PTPRD: variants seen among roughly 807,000 people sequenced by gnomAD.
PTPRD encodes the protein receptor-type tyrosine-protein phosphatase delta.
A neutral mutation model predicts 214.5 loss-of-function variants in PTPRD; 34 were observed. That is an observed-to-expected ratio of 0.16 (90% CI 0.12 to 0.21). PTPRD has a LOEUF of 0.21. PTPRD is among the 10% of genes least tolerant of loss of function. The probability of loss-of-function intolerance (pLI) is 1.00; values close to 1 mark genes in which losing one functional copy is unlikely to be tolerated. For missense variants in PTPRD, 2,545 were observed against 2,398.7 expected, an observed-to-expected ratio of 1.06 and a Z score of -1.27; for synonymous variants, 1,128 against 845.7, an observed-to-expected ratio of 1.33 and a Z score of -5.79.
chr9:10,259,645 A>G (rs1448268668), intron 3 of PTPRD, among the ~76,000 whole-genome samples: 1 of 152,116 alleles, frequency 6.6e-6, no homozygotes, highest in African/African-American at 2.4e-5. Context: ...ATTTTCCTTT[A>G]AACTGTCATC....
chr9:8,770,137 C>A (rs2095089452), intron 11 of PTPRD, among the ~76,000 whole-genome samples: 1 of 151,968 alleles, frequency 6.6e-6, no homozygotes, highest in Non-Finnish European at 1.5e-5. Context: ...CAAAATTAGC[C>A]AGGCTTGGTG....
At chr9:9,867,263 T>C (rs1417057417) in intron 5 of PTPRD, among the ~76,000 whole-genome samples, 1 of 152,138 alleles carries the variant, frequency 6.6e-6, no homozygotes, top group Non-Finnish European at 1.5e-5. Flanking sequence ...AAGATACGAT[T>C]CATTCTGCTT....
intron 5 of PTPRD, among the ~76,000 whole-genome samples, chr9:9,860,679 A>G (rs1316538508): frequency 6.6e-6 from 1 of 152,220 alleles, no homozygotes; most frequent in Non-Finnish European, 1.5e-5. Context: ...GAATATGTCA[A>G]TGTCACTTAG....
rs902514381 is a variant in PTPRD, at chr9:9,711,190, T to C, written c.-287+23343A>G. ...CTCATATTTATTTTAATGTTTAATA[T>C]TAGAAGTGATTTAAGTGCTTGAATC... On this transcript the variant is annotated intron_variant, in intron 7 of 45. Transcript: ENST00000381196. Among the ~76,000 whole-genome samples the C allele has an allele frequency of 2.4e-4, 37 of 152,284 alleles. 1 individual carries two copies. Among genetic ancestry groups the C allele is most frequent in the African/African-American group, 8.4e-4 (35 of 41,552 alleles).
intron 3 of PTPRD, among the ~76,000 whole-genome samples, chr9:10,326,178 T>C (rs994639119): frequency 2.6e-5 from 4 of 151,750 alleles, no homozygotes; most frequent in African/African-American, 9.7e-5. Flanking sequence ...ATTTTAGTTT[T>C]AATAAGAAAA....
chr9:9,074,628 C>G (rs979753745), intron 10 of PTPRD, among the ~76,000 whole-genome samples: 4 of 151,852 alleles, frequency 2.6e-5, no homozygotes, highest in African/African-American at 9.7e-5. Context: ...TGTTAAGCAC[C>G]TTTCATGTGC....
chr9:8,878,408 A>G (rs1420086716), intron 11 of PTPRD, among the ~76,000 whole-genome samples: 2 of 152,186 alleles, frequency 1.3e-5, no homozygotes, highest in African/African-American at 2.4e-5. Flanking sequence ...ATGGTGGGGA[A>G]CAAAAATGGA....
chr9:9,671,017 T>C (rs192051095), intron 7 of PTPRD, among the ~76,000 whole-genome samples: 9 of 152,060 alleles, frequency 5.9e-5, no homozygotes, highest in African/African-American at 2.2e-4. Flanking sequence ...GCCACCATAC[T>C]CCAGATCCAC....
intron 3 of PTPRD, among the ~76,000 whole-genome samples, chr9:10,059,641 T>C (rs181418684): frequency 1.5e-4 from 23 of 152,244 alleles, no homozygotes; most frequent in Admixed American, 1.4e-3. Context: ...TCTCTATTTC[T>C]TTTTCTCATA....
intron 4 of PTPRD, among the ~76,000 whole-genome samples, chr9:9,988,281 TGTTA>T (rs764650798): frequency 6.6e-6 from 1 of 152,200 alleles, no homozygotes; most frequent in African/African-American, 2.4e-5. Context: ...TATGAAATTA[TGTTA>T]GTTATTTTTA....
chr9:9,216,811 T>C (rs376873261), intron 9 of PTPRD, among the ~76,000 whole-genome samples: 1 of 152,270 alleles, frequency 6.6e-6, no homozygotes, highest in South Asian at 2.1e-4. Flanking sequence ...AAATACTTCT[T>C]TGTAAAATCT....
Position 10,594,584 on chromosome 9 carries a change from T to C in PTPRD, c.-600+17814A>G, listed in dbSNP as rs369040190. On this transcript the variant is annotated intron_variant, in intron 2 of 45. Coordinates refer to ENST00000381196, the MANE Select transcript of PTPRD (RefSeq NM_002839.4). ...GCTACATTTCTCAAACAACCTGCTA[T>C]GTTGTTGGAGTTTAATGGCTGACAG... 5.3e-5 allele frequency among the ~76,000 whole-genome samples: 8 copies of C among 152,142 alleles called. No homozygotes were observed. In the East Asian group the frequency reaches 1.2e-3, roughly 22 times the overall value.
chr9:8,994,694 C>T (rs181594244), intron 11 of PTPRD, among the ~76,000 whole-genome samples: 1 of 151,586 alleles, frequency 6.6e-6, no homozygotes, highest in African/African-American at 2.4e-5. Flanking sequence ...TAATGAGTGA[C>T]ACAGTGAGGG....
intron 10 of PTPRD, among the ~76,000 whole-genome samples, chr9:9,057,031 G>T (rs1374613153): frequency 6.6e-6 from 1 of 152,036 alleles, no homozygotes; most frequent in African/African-American, 2.4e-5. Context: ...CCTCAGGGGG[G>T]ATCTGTTATA....
At chr9:9,322,922 T>C (rs898067881) in intron 9 of PTPRD, among the ~76,000 whole-genome samples, 62 of 152,322 alleles carry the variant, frequency 4.1e-4, no homozygotes, top group African/African-American at 1.3e-3. Flanking sequence ...GCACATTTAC[T>C]TGAGTTAAAT....
chr9:9,472,540 C>T (rs1356007658), intron 8 of PTPRD, among the ~76,000 whole-genome samples: 1 of 152,154 alleles, frequency 6.6e-6, no homozygotes, highest in South Asian at 2.1e-4. Context: ...ATCTCACATA[C>T]TTGAGGGAAC....
intron 14 of PTPRD, among the ~76,000 whole-genome samples, chr9:8,592,562 T>C (rs2094188823): frequency 6.6e-6 from 1 of 152,074 alleles, no homozygotes; most frequent in African/African-American, 2.4e-5. Flanking sequence ...CATTCACACT[T>C]GAGATACTGA....
intron 14 of PTPRD, among the ~76,000 whole-genome samples, chr9:8,632,502 AG>A (rs1052490670): frequency 4.6e-5 from 7 of 152,084 alleles, no homozygotes; most frequent in African/African-American, 1.7e-4. Flanking sequence ...GAGTTGTGTG[AG>A]GGAGAGAAAG....
At chr9:8,879,786 A>C (rs1259862777) in intron 11 of PTPRD, among the ~76,000 whole-genome samples, 1 of 152,182 alleles carries the variant, frequency 6.6e-6, no homozygotes, top group Non-Finnish European at 1.5e-5. Flanking sequence ...TAGAAACACA[A>C]ACGGAGAGAG....
Sources: allele counts gnomAD v4.1 joint callset (sites outside exome capture counted in the v4.1 genomes callset), GRCh38; gene constraint gnomAD v4.1.1; transcripts MANE v1.5; gene names NCBI Gene and HGNC (gene_info 2026-07-23, HGNC 2026-07-21).